Variants in NAALADL2 observed in about 807,000 individuals in gnomAD.
The protein encoded by NAALADL2 is inactive N-acetylated-alpha-linked acidic dipeptidase-like protein 2.
NAALADL2 carries 76 observed loss-of-function variants against 87.2 expected under a neutral mutation model. That is an observed-to-expected ratio of 0.87 (90% CI 0.72 to 1.05). NAALADL2 has a LOEUF of 1.05. NAALADL2 is among the 50% of genes least tolerant of loss of function. The pLI is 0.00. For synonymous variants in NAALADL2, 354 were observed against 331.0 expected (o/e 1.07, Z -0.75); for missense variants, 1,089 against 945.8 (o/e 1.15, Z -1.99).
chr3:174,500,329 T>G (rs1454103802), intron 1 of NAALADL2, among the ~76,000 whole-genome samples: 1 of 152,140 alleles, frequency 6.6e-6, no homozygotes, highest in East Asian at 1.9e-4. Context: ...TGTAAATTCT[T>G]CTGGATTATC....
intron 5 of NAALADL2, among the ~76,000 whole-genome samples, chr3:175,413,346 C>T (rs1490854045): frequency 2.7e-5 from 4 of 150,662 alleles, no homozygotes; most frequent in Non-Finnish European, 5.9e-5. Context: ...CCGAGGAGAG[C>T]GGATCACAAA....
chr3:174,803,074 A>C (rs1445565564), intron 3 of NAALADL2, among the ~76,000 whole-genome samples: 2 of 152,130 alleles, frequency 1.3e-5, no homozygotes, highest in Non-Finnish European at 1.5e-5. Context: ...ACAATGGTTG[A>C]ACTACTTTAC....
At chr3:174,529,538 C>T (rs1383676949) in intron 1 of NAALADL2, among the ~76,000 whole-genome samples, 3 of 152,232 alleles carry the variant, frequency 2.0e-5, no homozygotes, top group Non-Finnish European at 2.9e-5. Context: ...TCTGACCGCA[C>T]GTTTCCCTTT....
At chr3:174,478,294 A>G (rs1425327736) in intron 1 of NAALADL2, among the ~76,000 whole-genome samples, 1 of 152,150 alleles carries the variant, frequency 6.6e-6, no homozygotes, top group East Asian at 1.9e-4. Flanking sequence ...TCTAGATAAC[A>G]AGACTTTCAC....
chr3:175,414,105 A>G (rs1425143995), intron 5 of NAALADL2, among the ~76,000 whole-genome samples: 1 of 152,188 alleles, frequency 6.6e-6, no homozygotes, highest in Non-Finnish European at 1.5e-5. Context: ...AAAGGAGCCC[A>G]TAGAGGGGGA....
intron 10 of NAALADL2, among the ~76,000 whole-genome samples, chr3:175,576,904 T>A (rs1259229876): frequency 6.6e-6 from 1 of 152,208 alleles, no homozygotes; most frequent in Non-Finnish European, 1.5e-5. Context: ...AAATAATGGC[T>A]GGAAAGTACG....
chr3:174,805,187 A>T (rs980441066), intron 3 of NAALADL2, among the ~76,000 whole-genome samples: 2 of 152,128 alleles, frequency 1.3e-5, no homozygotes, highest in African/African-American at 4.8e-5. Flanking sequence ...ATATTTAGAA[A>T]AGGTAAAACC....
chr3:174,502,847 G>C (rs930234926), intron 1 of NAALADL2, among the ~76,000 whole-genome samples: 6 of 151,932 alleles, frequency 3.9e-5, no homozygotes, highest in African/African-American at 1.5e-4. Context: ...TGGCCAACAT[G>C]GTGAAACCCC....
At chr3:175,658,482 G>C (rs962029177) in intron 11 of NAALADL2, among the ~76,000 whole-genome samples, 2 of 152,072 alleles carry the variant, frequency 1.3e-5, no homozygotes, top group African/African-American at 4.8e-5. Flanking sequence ...AGCAGAGATT[G>C]AGGTTAGCTA....
intron 3 of NAALADL2, among the ~76,000 whole-genome samples, chr3:174,796,686 T>C (rs1718136476): frequency 2.0e-5 from 1 of 50,418 alleles, no homozygotes; most frequent in South Asian, 4.4e-4. Flanking sequence ...TAAATATGAG[T>C]ACATGTCTCT....
chr3:174,806,089 G>T (rs1215737842), intron 3 of NAALADL2, among the ~76,000 whole-genome samples: 4 of 152,182 alleles, frequency 2.6e-5, no homozygotes, highest in Non-Finnish European at 4.4e-5. Context: ...CTTGGATGAT[G>T]AATTAGTAAT....
At chr3:174,934,222 T>C (rs1475715690) in intron 1 of NAALADL2, among the ~76,000 whole-genome samples, 1 of 152,176 alleles carries the variant, frequency 6.6e-6, no homozygotes, top group Non-Finnish European at 1.5e-5. Context: ...TTTCACACAC[T>C]TTACTGTCCA....
chr3:175,726,902 A>T (rs1743003646), intron 11 of NAALADL2, among the ~76,000 whole-genome samples: 1 of 152,122 alleles, frequency 6.6e-6, no homozygotes, highest in Admixed American at 6.5e-5. Context: ...TCTTGACATC[A>T]TGAGTTGCCT....
In NAALADL2 at chr3:175,407,733, C is replaced by T. The variant is rs542596711; in HGVS notation, c.1091-39496C>T. Among the ~76,000 whole-genome samples, 12 of 152,258 alleles carry T rather than the reference C, an allele frequency of 7.9e-5. No individual in the cohort carries two copies. The South Asian group carries it at 2.5e-3, about 32-fold the overall frequency. Reference sequence around the variant, plus strand: ...TTTCTGGATGCTATAGATTATATTTCTAAATCAGGATGCATGAAACTGGGT... The same window carrying T: ...TTTCTGGATGCTATAGATTATATTTTTAAATCAGGATGCATGAAACTGGGT... On this transcript the variant is annotated intron_variant, in intron 5 of 13. Coordinates refer to ENST00000454872, the MANE Select transcript of NAALADL2 (RefSeq NM_207015.3).
intron 2 of NAALADL2, among the ~76,000 whole-genome samples, chr3:175,123,814 A>G (rs1195240545): frequency 6.6e-6 from 1 of 152,028 alleles, no homozygotes; most frequent in African/African-American, 2.4e-5. Flanking sequence ...CTGACAGTAT[A>G]TTAGCATTAA....
chr3:175,276,141 TAA>T (rs11388464), intron 4 of NAALADL2, among the ~76,000 whole-genome samples: 1 of 149,460 alleles, frequency 6.7e-6, no homozygotes. Flanking sequence ...CATCATGAAG[TAA>T]AAAAAAAATT....
chr3:174,990,251 A>G (rs1280030687), intron 1 of NAALADL2, among the ~76,000 whole-genome samples: 1 of 152,148 alleles, frequency 6.6e-6, no homozygotes, highest in Non-Finnish European at 1.5e-5. Flanking sequence ...GAAACCTAGG[A>G]TATTTTTGCT....
At chr3:175,533,621 A>T (rs1034554324) in intron 9 of NAALADL2, among the ~76,000 whole-genome samples, 13 of 152,174 alleles carry the variant, frequency 8.5e-5, no homozygotes, top group Non-Finnish European at 1.5e-4. Flanking sequence ...ACACGTCCCC[A>T]TTCCAAGTTG....
chr3:175,741,240 G>C (rs2150095596), intron 12 of NAALADL2, among the ~76,000 whole-genome samples: 1 of 152,258 alleles, frequency 6.6e-6, no homozygotes, highest in Admixed American at 6.5e-5. Context: ...GTTTGGTGAG[G>C]GTTCACTTCC....
Sources: allele counts gnomAD v4.1 joint callset (sites outside exome capture counted in the v4.1 genomes callset), GRCh38; gene constraint gnomAD v4.1.1; transcripts MANE v1.5; gene names NCBI Gene and HGNC (gene_info 2026-07-23, HGNC 2026-07-21).